LEPR: variants seen among roughly 807,000 people sequenced by gnomAD.
LEPR encodes the protein OB receptor.
Under a neutral mutation model 114.7 loss-of-function variants are expected in LEPR, and 56 were observed. The ratio of observed to expected loss-of-function variants is 0.49; its 90% CI spans 0.39 to 0.61. The LOEUF (loss-of-function observed/expected upper bound fraction) is 0.61. Among genes scored for constraint, LEPR ranks in the 20% least tolerant of loss-of-function variants. LEPR has a pLI of 0.00. For synonymous variants in LEPR, 443 were observed against 461.4 expected (o/e 0.96, Z 0.51); for missense variants, 1,202 against 1,352.9 (o/e 0.89, Z 1.75).
At chr1:65,571,791 CAAAAAAA>C (rs34139057) in intron 4 of LEPR, among the ~76,000 whole-genome samples, 5 of 73,682 alleles carry the variant, frequency 6.8e-5, no homozygotes, top group African/African-American at 1.1e-4. Flanking sequence ...CCATCTCTAC[CAAAAAAA>C]AAAAAAAAAA....
intron 10 of LEPR, 29 bp from the exon 11 acceptor site, chr1:65,605,009 C>T (rs1428605551): frequency 1.9e-6 from 3 of 1,606,632 alleles, no homozygotes; most frequent in East Asian, 2.2e-5. Flanking sequence ...TTAATGTATA[C>T]TAATTGACTA....
At chr1:65,491,776 C>G (rs1425967477) in intron 2 of LEPR, among the ~76,000 whole-genome samples, 2 of 152,070 alleles carry the variant, frequency 1.3e-5, no homozygotes, top group Non-Finnish European at 2.9e-5. Flanking sequence ...TTCATTTTTA[C>G]CAGTATCCTT....
At chr1:65,434,076 A>T (rs1207319977) in intron 2 of LEPR, 8 of 985,238 alleles carry the variant, frequency 8.1e-6, no homozygotes, top group African/African-American at 1.7e-5. Flanking sequence ...TAGCCTTCAT[A>T]TGTAGCCTTA....
At chr1:65,605,533 A>G (rs1010814261) in intron 11 of LEPR, among the ~76,000 whole-genome samples, 1 of 152,146 alleles carries the variant, frequency 6.6e-6, no homozygotes, top group Non-Finnish European at 1.5e-5. Flanking sequence ...ATAAGGCATT[A>G]TTTTATGTTT....
At chr1:65,623,400 T>C (rs1658004258) in intron 19 of LEPR, 1 of 153,790 alleles carries the variant, frequency 6.5e-6, no homozygotes, top group Admixed American at 6.5e-5. Flanking sequence ...AATTATATAA[T>C]CCTCAAACAT....
intron 2 of LEPR, among the ~76,000 whole-genome samples, chr1:65,451,185 G>A (rs912239746): frequency 6.6e-6 from 1 of 152,058 alleles, no homozygotes. Flanking sequence ...TAGCCCTTTG[G>A]CAGATGAGTA....
At chr1:65,463,894 A>C (rs555316685) in intron 2 of LEPR, among the ~76,000 whole-genome samples, 36 of 152,264 alleles carry the variant, frequency 2.4e-4, no homozygotes, top group African/African-American at 8.7e-4. Context: ...GACTTTGTTG[A>C]AGTTGCTTAT....
intron 2 of LEPR, among the ~76,000 whole-genome samples, chr1:65,468,490 T>G (rs1398531502): frequency 2.0e-5 from 3 of 152,172 alleles, no homozygotes; most frequent in Non-Finnish European, 4.4e-5. Context: ...TAAAAAAAAT[T>G]GATGGCAGAG....
chr1:65,429,507 G>T (rs992220681), intron 2 of LEPR, among the ~76,000 whole-genome samples: 13 of 152,166 alleles, frequency 8.5e-5, no homozygotes, highest in African/African-American at 3.1e-4. Context: ...GATCTTTACC[G>T]AACTAGCTTT....
chr1:65,601,379 T>C lies in LEPR; in HGVS notation c.995-13T>C. On this transcript the variant is annotated splice_polypyrimidine_tract_variant and intron_variant, in intron 8 of 19. Coordinates refer to ENST00000349533, the MANE Select transcript of LEPR (RefSeq NM_002303.6). ...TTTGTCTTCATCTGATATCCTTTCT[T>C]CCCTCATTACAGATGTCATATACTT... The C allele has an allele frequency of 6.2e-7, 1 of 1,611,118 alleles. No individual in the cohort carries two copies. The highest frequency in any genetic ancestry group is 1.9e-4 in the Middle Eastern group (1 of 5,360).
rs1553150183 is a variant in LEPR at position 65,422,335 on chromosome 1, T to TTGGCAACCACGC, written c.-97+1604_-97+1605insCGCTGGCAACCA. Among the ~76,000 whole-genome samples the TTGGCAACCACGC allele has an allele frequency of 9.6e-3, 1,444 of 151,100 alleles. 12 individuals carry two copies. Among genetic ancestry groups the TTGGCAACCACGC allele is most frequent in the Non-Finnish European group, 0.015 (1,009 of 67,746 alleles). On this transcript the variant is annotated intron_variant, in intron 1 of 19. Coordinates refer to ENST00000349533, the MANE Select transcript of LEPR (RefSeq NM_002303.6). ...ACAAAGTCAGGAGCACCAAAGATTG[T>TTGGCAACCACGC]TGGCAACCATGCTGGCAACCACTGA...
chr1:65,542,316 G>A (rs982219476), intron 2 of LEPR, among the ~76,000 whole-genome samples: 12 of 151,436 alleles, frequency 7.9e-5, no homozygotes, highest in African/African-American at 1.9e-4. Context: ...CTTTTTAAAC[G>A]TGAGAATAAA....
At chr1:65,583,900 G>A (rs1655155159) in intron 5 of LEPR, among the ~76,000 whole-genome samples, 1 of 152,060 alleles carries the variant, frequency 6.6e-6, no homozygotes, top group Non-Finnish European at 1.5e-5. Flanking sequence ...ACAGGAAATT[G>A]AAGATGTAAA....
intron 2 of LEPR, among the ~76,000 whole-genome samples, chr1:65,469,439 A>G (rs941346154): frequency 6.6e-6 from 1 of 152,206 alleles, no homozygotes; most frequent in African/African-American, 2.4e-5. Context: ...ATCAGGCTAG[A>G]AAGTTAGGCT....
rs1056216892 is a variant in LEPR, at chr1:65,420,729, C to T, written c.-108C>T. ...CGCGGCCCCAGTTCGGGAGACATGG[C>T]GGGCGTTAAAGGTACATCGCGGTCC... On this transcript the variant is annotated 5_prime_UTR_variant, in exon 1 of 20. Transcript: ENST00000349533. The T allele has an allele frequency of 6.9e-6, 11 of 1,583,756 alleles. No homozygotes were observed. The highest frequency in any genetic ancestry group is 1.2e-5 in the South Asian group (1 of 86,558).
chr1:65,425,275 CT>C, intron 1 of LEPR, 27 bp from the exon 2 acceptor site: 1 of 1,608,656 alleles, frequency 6.2e-7, no homozygotes, highest in Non-Finnish European at 8.5e-7. Flanking sequence ...ACTGTGGGAA[CT>C]TTAACTTTTG....
intron 2 of LEPR, among the ~76,000 whole-genome samples, chr1:65,510,526 C>T (rs1449624123): frequency 6.6e-6 from 1 of 152,168 alleles, no homozygotes; most frequent in East Asian, 1.9e-4. Context: ...ACTGTGCTCT[C>T]TGTGGAGGAA....
intron 2 of LEPR, among the ~76,000 whole-genome samples, chr1:65,479,396 G>A (rs1647193070): frequency 6.6e-6 from 1 of 152,056 alleles, no homozygotes; most frequent in Admixed American, 6.6e-5. Flanking sequence ...GCCCATAGAG[G>A]TACACTTCCC....
At chr1:65,583,538 T>A (rs1655131065) in intron 5 of LEPR, among the ~76,000 whole-genome samples, 1 of 151,850 alleles carries the variant, frequency 6.6e-6, no homozygotes, top group South Asian at 2.1e-4. Flanking sequence ...AGCCTTAGAG[T>A]CAAGGCTACA....
Sources: allele counts gnomAD v4.1 joint callset (sites outside exome capture counted in the v4.1 genomes callset), GRCh38; gene constraint gnomAD v4.1.1; transcripts MANE v1.5; gene names NCBI Gene and HGNC (gene_info 2026-07-23, HGNC 2026-07-21).